Variants in GRM5 observed in about 807,000 individuals in gnomAD.
The protein encoded by GRM5 is metabotropic glutamate receptor 5.
Under a neutral mutation model 83.1 loss-of-function variants are expected in GRM5, and 19 were observed. That is an observed-to-expected ratio of 0.23 (90% confidence interval 0.16 to 0.34). GRM5 has a LOEUF of 0.34. Among genes scored for constraint, GRM5 ranks in the 10% least tolerant of loss-of-function variants. The pLI, the probability that GRM5 is intolerant of heterozygous loss-of-function variation, is 1.00. For missense variants in GRM5, 1,160 were observed against 1,588.3 expected (o/e 0.73, Z 4.58); for synonymous variants, 675 against 633.6 (o/e 1.07, Z -0.98).
chr11:88,875,411 T>A (rs1398756261), intron 2 of GRM5, among the ~76,000 whole-genome samples: 1 of 151,992 alleles, frequency 6.6e-6, no homozygotes, highest in Non-Finnish European at 1.5e-5. Flanking sequence ...TTCTACCACA[T>A]CTGTAGTTAA....
intron 2 of GRM5, among the ~76,000 whole-genome samples, chr11:89,028,834 G>C (rs1023571062): frequency 6.6e-6 from 1 of 152,110 alleles, no homozygotes; most frequent in African/African-American, 2.4e-5. Context: ...TGCAGAACAT[G>C]AAGGTTTGTT....
intron 1 of GRM5, among the ~76,000 whole-genome samples, chr11:89,055,589 C>T (rs920688054): frequency 3.3e-5 from 5 of 151,988 alleles, no homozygotes; most frequent in African/African-American, 1.2e-4. Flanking sequence ...GACTTGAATT[C>T]AACAAAATGT....
chr11:88,957,172 A>G (rs1938643748), intron 2 of GRM5, among the ~76,000 whole-genome samples: 1 of 152,244 alleles, frequency 6.6e-6, no homozygotes, highest in Admixed American at 6.5e-5. Flanking sequence ...AACGATGAGT[A>G]GGAATTTTCC....
intron 3 of GRM5, among the ~76,000 whole-genome samples, chr11:88,690,321 A>T (rs948720207): frequency 6.6e-6 from 1 of 152,162 alleles, no homozygotes; most frequent in African/African-American, 2.4e-5. Flanking sequence ...TTTGTTTTTG[A>T]ACAGAAATCC....
At chr11:88,799,110 G>A (rs1377081951) in intron 3 of GRM5, among the ~76,000 whole-genome samples, 1 of 151,952 alleles carries the variant, frequency 6.6e-6, no homozygotes, top group Non-Finnish European at 1.5e-5. Flanking sequence ...AAAGTACATG[G>A]CCTTCAACTT....
At chr11:88,663,558 C>A (rs570673843) in intron 3 of GRM5, among the ~76,000 whole-genome samples, 1 of 152,138 alleles carries the variant, frequency 6.6e-6, no homozygotes, top group African/African-American at 2.4e-5. Flanking sequence ...GTATCCATAG[C>A]TTTATATAAC....
chr11:88,929,672 C>T (rs1194326789), intron 2 of GRM5, among the ~76,000 whole-genome samples: 1 of 151,870 alleles, frequency 6.6e-6, no homozygotes, highest in East Asian at 1.9e-4. Flanking sequence ...AATGAGACCC[C>T]CAAATTCTTC....
intron 2 of GRM5, among the ~76,000 whole-genome samples, chr11:88,982,622 A>G (rs570571026): frequency 9.9e-5 from 15 of 152,276 alleles, no homozygotes; most frequent in African/African-American, 3.6e-4. Flanking sequence ...CAATTTATCT[A>G]TTTTTTGTTT....
intron 1 of GRM5, among the ~76,000 whole-genome samples, chr11:89,048,749 T>A (rs1347506439): frequency 2.0e-5 from 3 of 152,140 alleles, no homozygotes; most frequent in Admixed American, 2.0e-4. Context: ...GTTGGGGAAT[T>A]ATAGAGTACA....
At chr11:88,736,815 G>C (rs1941924659) in intron 3 of GRM5, among the ~76,000 whole-genome samples, 1 of 151,948 alleles carries the variant, frequency 6.6e-6, no homozygotes, top group Non-Finnish European at 1.5e-5. Context: ...ATTATACTAG[G>C]GACACTGAAC....
At chr11:89,007,832 T>G (rs1300108775) in intron 2 of GRM5, among the ~76,000 whole-genome samples, 1 of 152,236 alleles carries the variant, frequency 6.6e-6, no homozygotes, top group Non-Finnish European at 1.5e-5. Context: ...CTGTGAATCC[T>G]CAGTTTCTGT....
At chr11:88,925,946 C>T (rs117836634) in intron 2 of GRM5, 7,129 of 283,556 alleles carry the variant, frequency 0.025, 370 homozygotes, top group Admixed American at 0.15. Flanking sequence ...TCTTCTTTTC[C>T]TGCCCATTAA....
intron 2 of GRM5, among the ~76,000 whole-genome samples, chr11:88,899,264 G>A (rs973662581): frequency 8.6e-5 from 13 of 151,870 alleles, no homozygotes; most frequent in East Asian, 3.9e-4. Flanking sequence ...GGTATAGGGA[G>A]AAGTCTCATC....
chr11:88,836,780 G>A (rs1944102433), intron 3 of GRM5, among the ~76,000 whole-genome samples: 1 of 152,006 alleles, frequency 6.6e-6, no homozygotes, highest in African/African-American at 2.4e-5. Context: ...GGGTGATAGA[G>A]TGAGTGAGAT....
At chr11:88,928,907 T>TACACACAC (rs1555043262) in intron 2 of GRM5, among the ~76,000 whole-genome samples, 22 of 138,760 alleles carry the variant, frequency 1.6e-4, no homozygotes, top group African/African-American at 4.2e-4. Flanking sequence ...TATGTGTATA[T>TACACACAC]ACACACACAC....
intron 3 of GRM5, among the ~76,000 whole-genome samples, chr11:88,671,759 TG>T (rs1940199585): frequency 6.6e-6 from 1 of 152,068 alleles, no homozygotes; most frequent in Non-Finnish European, 1.5e-5. Flanking sequence ...TGGTTCCTTT[TG>T]AAGAGTGTGT....
intron 8 of GRM5, among the ~76,000 whole-genome samples, chr11:88,532,898 A>G (rs1942046404): frequency 6.6e-6 from 1 of 152,198 alleles, no homozygotes; most frequent in South Asian, 2.1e-4. Context: ...TGCAGGCTCC[A>G]TCTGCAAAAC....
intron 3 of GRM5, among the ~76,000 whole-genome samples, chr11:88,830,078 A>G (rs1943959515): frequency 6.6e-6 from 1 of 152,132 alleles, no homozygotes; most frequent in Admixed American, 6.5e-5. Flanking sequence ...AAAAACCAAA[A>G]GAGATAATGG....
rs193186500 is a variant in GRM5 at position 88,733,489 on chromosome 11, T to C, written c.912-80086A>G. Among the ~76,000 whole-genome samples, 125 of 152,154 alleles carry C rather than the reference T, an allele frequency of 8.2e-4. No homozygotes were observed. The Middle Eastern group carries it at 0.014, about 17-fold the overall frequency. On this transcript the variant is annotated intron_variant, in intron 3 of 9. Transcript: ENST00000305447. The stretch of plus-strand genomic sequence containing the variant: ...CGTTCCGGACTCTGAATTATCTCTT[T>C]TCAATTTAAGCATGTTGGAGGCTAG...
Sources: gnomAD v4.1 joint callset for allele counts (sites outside exome capture counted in the v4.1 genomes callset) on GRCh38, gnomAD v4.1.1 for gene constraint, MANE v1.5 for transcripts, NCBI Gene and HGNC (gene_info 2026-07-23, HGNC 2026-07-21) for gene names.